The following KDM1A variants were observed in gnomAD, a reference collection of about 807,000 sequenced individuals.
KDM1A encodes lysine-specific histone demethylase 1A.
A neutral mutation model predicts 109.4 loss-of-function variants in KDM1A; 49 were observed. That is an observed-to-expected ratio of 0.45 (90% CI 0.36 to 0.57). KDM1A has a LOEUF of 0.57. KDM1A is among the 20% of genes least tolerant of loss of function. The pLI is 0.00. For synonymous variants in KDM1A, 380 were observed against 415.4 expected, an observed-to-expected ratio of 0.91 and a Z score of 1.04; for missense variants, 668 against 1,116.6, an observed-to-expected ratio of 0.60 and a Z score of 5.73.
chr1:23,021,918 A>C (rs955506367), intron 1 of KDM1A, among the ~76,000 whole-genome samples: 1 of 152,192 alleles, frequency 6.6e-6, no homozygotes, highest in Non-Finnish European at 1.5e-5. Context: ...TGAACATTTT[A>C]TATAAAATCT....
rs201778126 is a variant in KDM1A at position 23,051,087 on chromosome 1, C to CA, written c.711+576dup. ...CTGGGCAACAGAGTAGAGTCCATTT[C>CA]AAAAAAAAACAAAAACCTTTAAGCA... On this transcript the variant is annotated intron_variant, in intron 4 of 20. Coordinates refer to ENST00000400181, the MANE Select transcript of KDM1A (RefSeq NM_001009999.3). 3.2e-3 allele frequency among the ~76,000 whole-genome samples: 471 copies of CA among 148,924 alleles called. 11 individuals are homozygous for CA. The East Asian group carries it at 0.059, about 19-fold the overall frequency.
intron 10 of KDM1A, among the ~76,000 whole-genome samples, chr1:23,066,913 C>G (rs1643175693): frequency 6.6e-6 from 1 of 152,180 alleles, no homozygotes; most frequent in African/African-American, 2.4e-5. Flanking sequence ...CATCACATAT[C>G]ACATCAGTGA....
intron 8 of KDM1A, 158 bp downstream of exon 8, chr1:23,057,723 T>A (rs886638701): frequency 4.3e-5 from 21 of 493,434 alleles, no homozygotes; most frequent in Non-Finnish European, 7.3e-5. Flanking sequence ...ATTGTACATA[T>A]CTTTTGACCT....
chr1:23,068,414 G>GT (rs1190952578), intron 10 of KDM1A, 125 bp from the exon 11 acceptor site: 1 of 676,538 alleles, frequency 1.5e-6, no homozygotes, highest in Non-Finnish European at 2.3e-6. Context: ...TTGAATCATT[G>GT]TGCTCAAAGG....
intron 1 of KDM1A, among the ~76,000 whole-genome samples, chr1:23,023,325 C>G (rs1357409918): frequency 2.0e-5 from 3 of 152,136 alleles, no homozygotes; most frequent in Non-Finnish European, 4.4e-5. Flanking sequence ...ATGTTTTCTT[C>G]TAAGAGTTTT....
chr1:23,028,609 A>G (rs1641883153), intron 1 of KDM1A, among the ~76,000 whole-genome samples: 1 of 152,214 alleles, frequency 6.6e-6, no homozygotes, highest in African/African-American at 2.4e-5. Flanking sequence ...TCTTTGGGGA[A>G]GAGTCAAGCA....
Position 23,019,965 on chromosome 1 carries a change from C to A in KDM1A, c.351+18C>A. ...GGGCGAAGGTAAGGCTCGACCCTTC[C>A]CTCAAACGACACCGCCTGGTGCCGA... On this transcript the variant is annotated intron_variant, in intron 1 of 20. Transcript: ENST00000400181. The A allele has an allele frequency of 6.6e-7, 1 of 1,504,252 alleles. No homozygotes were observed. The highest frequency in any genetic ancestry group is 8.8e-7 in the Non-Finnish European group (1 of 1,130,156). The allele number at this position is 1,504,252 out of a possible 1,614,324, so 93.2% of individuals were successfully genotyped here.
chr1:23,061,345 T>C (rs1174944784), intron 9 of KDM1A, among the ~76,000 whole-genome samples: 1 of 152,220 alleles, frequency 6.6e-6, no homozygotes, highest in East Asian at 1.9e-4. Flanking sequence ...TGAGTAGCAC[T>C]ATAAACAGTT....
intron 1 of KDM1A, among the ~76,000 whole-genome samples, chr1:23,023,675 A>G (rs1641709379): frequency 6.6e-6 from 1 of 152,152 alleles, no homozygotes; most frequent in African/African-American, 2.4e-5. Context: ...GCTGTTCTGA[A>G]TGCTTTGCAT....
chr1:23,026,603 A>G (rs991883528), intron 1 of KDM1A, among the ~76,000 whole-genome samples: 10 of 151,972 alleles, frequency 6.6e-5, no homozygotes, highest in African/African-American at 2.2e-4. Context: ...GCTGGTCTCA[A>G]ACTCCTTAGA....
chr1:23,033,179 C>T (rs906967100), intron 2 of KDM1A, among the ~76,000 whole-genome samples: 2 of 152,170 alleles, frequency 1.3e-5, no homozygotes, highest in Non-Finnish European at 2.9e-5. Context: ...GTTTCTCTAC[C>T]AAACCTTTTC....
intron 1 of KDM1A, among the ~76,000 whole-genome samples, chr1:23,030,060 T>G (rs1016183125): frequency 9.2e-5 from 14 of 152,304 alleles, no homozygotes; most frequent in Admixed American, 7.8e-4. Context: ...TCCCCTGGAG[T>G]AGTAGTTAGA....
intron 1 of KDM1A, chr1:23,020,196 G>A: frequency 5.0e-6 from 2 of 399,358 alleles, no homozygotes; most frequent in Admixed American, 9.0e-5. Context: ...TGATTGCTGG[G>A]AGGGGTATTT....
intron 12 of KDM1A, among the ~76,000 whole-genome samples, chr1:23,070,969 C>T (rs946318345): frequency 2.0e-5 from 3 of 152,108 alleles, no homozygotes; most frequent in Non-Finnish European, 2.9e-5. Flanking sequence ...CCTTCTCATT[C>T]GTTTTAGAAG....
intron 1 of KDM1A, 21 bp downstream of exon 1, chr1:23,019,968 C>T: frequency 6.7e-7 from 1 of 1,497,762 alleles, no homozygotes. Flanking sequence ...ACCCTTCCCT[C>T]AAACGACACC....
At chr1:23,081,825 A>G in intron 19 of KDM1A, 1 of 465,496 alleles carries the variant, frequency 2.1e-6, no homozygotes, top group Non-Finnish European at 3.8e-6. Flanking sequence ...GATCCCTGAC[A>G]TTTTAGACAA....
At chr1:23,021,843 A>G (rs1350017031) in intron 1 of KDM1A, among the ~76,000 whole-genome samples, 2 of 152,158 alleles carry the variant, frequency 1.3e-5, no homozygotes, top group South Asian at 4.1e-4. Flanking sequence ...GTCACTCCCC[A>G]GTCCTCCCTA....
At chr1:23,052,988 A>G (rs766171748) in intron 4 of KDM1A, among the ~76,000 whole-genome samples, 10 of 152,090 alleles carry the variant, frequency 6.6e-5, no homozygotes, top group Non-Finnish European at 1.2e-4. Flanking sequence ...TTGGAGCTAA[A>G]CTCATTATCT....
intron 9 of KDM1A, among the ~76,000 whole-genome samples, chr1:23,061,575 A>G (rs970115899): frequency 1.4e-4 from 21 of 152,154 alleles, no homozygotes; most frequent in African/African-American, 5.1e-4. Context: ...TTAATCAAAC[A>G]TAAGGCATGC....
Sources: gnomAD v4.1 joint callset for allele counts (sites outside exome capture counted in the v4.1 genomes callset) on GRCh38, gnomAD v4.1.1 for gene constraint, MANE v1.5 for transcripts, NCBI Gene and HGNC (gene_info 2026-07-23, HGNC 2026-07-21) for gene names.